The following HIRA variants were observed in gnomAD, a reference collection of about 807,000 sequenced individuals.
HIRA encodes the protein protein HIRA.
In HIRA, 13 loss-of-function variants were observed where a neutral mutation model predicts 126.6. That is an observed-to-expected ratio of 0.10 (90% confidence interval 0.07 to 0.16). The LOEUF (loss-of-function observed/expected upper bound fraction) is 0.16. Ranked by LOEUF, HIRA falls within the 10% of genes least tolerant of loss-of-function variation. The pLI, the probability that HIRA is intolerant of heterozygous loss-of-function variation, is 1.00. For missense variants in HIRA, 834 were observed against 1,314.4 expected, an observed-to-expected ratio of 0.63 and a Z score of 5.65; for synonymous variants, 511 against 520.0, an observed-to-expected ratio of 0.98 and a Z score of 0.24.
At chr22:19,427,804 T>C (rs1165753898) in intron 1 of HIRA, among the ~76,000 whole-genome samples, 1 of 152,192 alleles carries the variant, frequency 6.6e-6, no homozygotes, top group South Asian at 2.1e-4. Context: ...GGAAGAGCCA[T>C]GAATCTCAAC....
At chr22:19,372,088 T>C (rs769225191) in intron 15 of HIRA, among the ~76,000 whole-genome samples, 2 of 152,236 alleles carry the variant, frequency 1.3e-5, no homozygotes, top group African/African-American at 2.4e-5. Context: ...TACCAGCATG[T>C]ATATGAGGGT....
intron 18 of HIRA, 101 bp from the exon 19 acceptor site, chr22:19,357,152 G>C (rs569753443): frequency 7.2e-7 from 1 of 1,387,238 alleles, no homozygotes; most frequent in Non-Finnish European, 1.0e-6. Flanking sequence ...GGCCCAACAA[G>C]GGCCTCCCCT....
chr22:19,346,063 C>G (rs559057202), intron 24 of HIRA, among the ~76,000 whole-genome samples: 1 of 152,174 alleles, frequency 6.6e-6, no homozygotes, highest in Non-Finnish European at 1.5e-5. Context: ...GAAACACAAG[C>G]GGCTCTTAAG....
chr22:19,357,295 C>T (rs2088821857), intron 18 of HIRA, among the ~76,000 whole-genome samples: 2 of 152,222 alleles, frequency 1.3e-5, no homozygotes, highest in Admixed American at 1.3e-4. Flanking sequence ...TTCCTGAGCT[C>T]ATGCTGATGC....
At chr22:19,430,335 G>C (rs1202170983) in intron 1 of HIRA, 1 of 152,344 alleles carries the variant, frequency 6.6e-6, no homozygotes, top group Non-Finnish European at 1.5e-5. Flanking sequence ...TGTCACACAA[G>C]ATGGAAGGAG....
chr22:19,383,530 G>C (rs999791893), intron 13 of HIRA, 90 bp downstream of exon 13: 2 of 1,067,472 alleles, frequency 1.9e-6, no homozygotes, highest in Non-Finnish European at 2.9e-6. Flanking sequence ...TGAAGGACCC[G>C]TGAAGATCCT....
chr22:19,379,166 C>A (rs1218650076), intron 13 of HIRA, among the ~76,000 whole-genome samples: 1 of 151,626 alleles, frequency 6.6e-6, no homozygotes, highest in Non-Finnish European at 1.5e-5. Context: ...TATCCCGCCA[C>A]CATGCCCGGC....
chr22:19,349,989 TTTC>T (rs1184577249), intron 24 of HIRA, among the ~76,000 whole-genome samples: 3 of 152,090 alleles, frequency 2.0e-5, no homozygotes, highest in African/African-American at 7.2e-5. Context: ...TCCTTTTTCT[TTTC>T]TTTTTTTTTT....
intron 24 of HIRA, among the ~76,000 whole-genome samples, chr22:19,342,544 G>A (rs1186971715): frequency 6.6e-6 from 1 of 152,064 alleles, no homozygotes; most frequent in Non-Finnish European, 1.5e-5. Flanking sequence ...GCGCCACCAT[G>A]GTTGGCTAAT....
chr22:19,389,547 G>A (rs1443653174), intron 9 of HIRA, among the ~76,000 whole-genome samples: 1 of 152,144 alleles, frequency 6.6e-6, no homozygotes, highest in Non-Finnish European at 1.5e-5. Flanking sequence ...CCTAGTGGTG[G>A]AGAGGGGGCT....
chr22:19,399,121 T>C, intron 5 of HIRA: 1 of 985,430 alleles, frequency 1.0e-6, no homozygotes, highest in Non-Finnish European at 1.2e-6. Flanking sequence ...GGTGCCAACC[T>C]TGCCTATCCT....
In HIRA at chr22:19,359,353, G is replaced by A. The variant is rs767900239; in HGVS notation, c.2217C>T (p.Leu739=). 1.3e-6 allele frequency: 2 copies of A among 1,595,930 alleles called. No individual in the cohort carries two copies. Among genetic ancestry groups the A allele is most frequent in the South Asian group, 2.3e-5 (2 of 88,108 alleles). ...ACCCTTACCAGCTGCCCGCAGCAGT[G>A]AGGATCCGGCTGGTGAGTACCGTCT... ...EWETVLTSRI[L]TAAGSCDVVC... Residue 739 remains leucine (L), a synonymous_variant, in exon 18 of 25, where the codon CTC becomes CTT. Coordinates refer to ENST00000263208, the MANE Select transcript of HIRA (RefSeq NM_003325.4).
chr22:19,388,439 G>A, intron 10 of HIRA, 45 bp downstream of exon 10: 1 of 1,473,806 alleles, frequency 6.8e-7, no homozygotes, highest in Admixed American at 1.7e-5. Context: ...CCAATGTGTG[G>A]CTTCTCCTTT....
chr22:19,389,682 C>T (rs967767521), intron 9 of HIRA, among the ~76,000 whole-genome samples: 2 of 152,026 alleles, frequency 1.3e-5, no homozygotes, highest in Admixed American at 6.6e-5. Context: ...ATCTACAGGC[C>T]GTGTGACTGC....
At chr22:19,350,294 C>A (rs1186205330) in intron 24 of HIRA, among the ~76,000 whole-genome samples, 1 of 152,222 alleles carries the variant, frequency 6.6e-6, no homozygotes, top group Admixed American at 6.5e-5. Context: ...TCACTGCTGC[C>A]TGCCCTATGC....
At position 19,374,890 on chromosome 22, in the gene HIRA, A is replaced by G. The variant is rs536136863; in HGVS notation, c.1775+741T>C. On this transcript the variant is annotated intron_variant, in intron 15 of 24. Transcript: ENST00000263208. The stretch of plus-strand genomic sequence containing the variant: ...GACAGCTCTTAAGCCCCCAAAGTCC[A>G]GCCCACATCTGCCTCTCCTCTCCTA... 8.5e-5 allele frequency among the ~76,000 whole-genome samples: 13 copies of G among 152,316 alleles called. No individual in the cohort carries two copies. In the East Asian group the frequency reaches 2.5e-3, roughly 29 times the overall value.
chr22:19,352,093 T>G, intron 23 of HIRA, among the ~76,000 whole-genome samples: 1 of 151,564 alleles, frequency 6.6e-6, no homozygotes, highest in African/African-American at 2.4e-5. Context: ...ATTTTGGAAG[T>G]GAATGGGGTC....
At chr22:19,344,374 AT>A (rs1406371029) in intron 24 of HIRA, among the ~76,000 whole-genome samples, 1 of 152,192 alleles carries the variant, frequency 6.6e-6, no homozygotes, top group African/African-American at 2.4e-5. Context: ...AAGATTATAA[AT>A]AAGAGAACAG....
chr22:19,415,830 G>A (rs2089392095), intron 1 of HIRA, among the ~76,000 whole-genome samples: 1 of 151,992 alleles, frequency 6.6e-6, no homozygotes, highest in Non-Finnish European at 1.5e-5. Flanking sequence ...TGATTTGTAG[G>A]CTTAATGCAA....
Sources: allele counts gnomAD v4.1 joint callset (sites outside exome capture counted in the v4.1 genomes callset), GRCh38; gene constraint gnomAD v4.1.1; transcripts MANE v1.5; gene names NCBI Gene and HGNC (gene_info 2026-07-23, HGNC 2026-07-21).